MATN2: variants seen among roughly 807,000 people sequenced by gnomAD.
MATN2 encodes the protein matrilin 2, also known as matrilin-2.
Under a neutral mutation model 103.2 loss-of-function variants are expected in MATN2, and 69 were observed. The observed-to-expected ratio is 0.67, with a 90% CI of 0.55 to 0.82. The LOEUF is 0.82. Among genes scored for constraint, MATN2 ranks in the 40% least tolerant of loss-of-function variants. MATN2 has a pLI of 0.00. For missense variants in MATN2, 1,023 were observed against 1,211.5 expected (o/e 0.84, Z 2.31); for synonymous variants, 429 against 450.2 (o/e 0.95, Z 0.60).
chr8:98,027,032 A>T (rs567050447), intron 13 of MATN2, among the ~76,000 whole-genome samples: 1 of 152,252 alleles, frequency 6.6e-6, no homozygotes, highest in African/African-American at 2.4e-5. Flanking sequence ...GAATGCCAGC[A>T]CTAGGGTGAT....
intron 2 of MATN2, 52 bp from the exon 3 acceptor site, chr8:97,930,901 C>A: frequency 7.7e-7 from 1 of 1,302,546 alleles, no homozygotes; most frequent in Non-Finnish European, 1.1e-6. Flanking sequence ...CAGGTGTGAG[C>A]CACCACACCT....
chr8:97,884,824 C>T (rs1267453271), intron 1 of MATN2, among the ~76,000 whole-genome samples: 1 of 152,142 alleles, frequency 6.6e-6, no homozygotes, highest in Non-Finnish European at 1.5e-5. Flanking sequence ...TTAAATTCAG[C>T]ACTTTCTATG....
chr8:97,919,376 G>A (rs1052935855), intron 2 of MATN2, among the ~76,000 whole-genome samples: 1 of 152,104 alleles, frequency 6.6e-6, no homozygotes, highest in African/African-American at 2.4e-5. Flanking sequence ...GGGATTACAG[G>A]TGCCCGCCAC....
At chr8:97,955,567 TATTA>T (rs1326205829) in intron 4 of MATN2, among the ~76,000 whole-genome samples, 1 of 152,234 alleles carries the variant, frequency 6.6e-6, no homozygotes, top group African/African-American at 2.4e-5. Flanking sequence ...CAGTGACATT[TATTA>T]ATTGAGACAG....
intron 2 of MATN2, among the ~76,000 whole-genome samples, chr8:97,912,612 GTC>G (rs1427585688): frequency 6.6e-6 from 1 of 152,180 alleles, no homozygotes; most frequent in Non-Finnish European, 1.5e-5. Flanking sequence ...GTCTAGGGGA[GTC>G]TCTGCAGAAG....
chr8:97,934,772 C>T (rs2513840), intron 3 of MATN2, among the ~76,000 whole-genome samples: 90,479 of 152,092 alleles, frequency 0.59, 27,006 homozygotes, highest in South Asian at 0.69. Context: ...AACAGTCAAT[C>T]ATGTATTCCT....
At chr8:97,872,134 C>T (rs2129915646) in intron 1 of MATN2, among the ~76,000 whole-genome samples, 1 of 152,292 alleles carries the variant, frequency 6.6e-6, no homozygotes, top group Non-Finnish European at 1.5e-5. Flanking sequence ...TTTATATCAT[C>T]TGTCAAATGG....
At chr8:97,883,059 C>A (rs1818303705) in intron 1 of MATN2, among the ~76,000 whole-genome samples, 1 of 151,906 alleles carries the variant, frequency 6.6e-6, no homozygotes, top group South Asian at 2.1e-4. Context: ...AACCTAGCAC[C>A]CTGAGAGGCC....
chr8:98,017,455 T>C (rs1030088697), intron 11 of MATN2, among the ~76,000 whole-genome samples: 2 of 152,354 alleles, frequency 1.3e-5, no homozygotes, highest in Middle Eastern at 3.4e-3. Flanking sequence ...TTTCCATCCA[T>C]ATCAGTTATC....
intron 7 of MATN2, among the ~76,000 whole-genome samples, chr8:97,995,123 A>ATAC (rs779047051): frequency 4.6e-5 from 7 of 152,362 alleles, no homozygotes; most frequent in Non-Finnish European, 8.8e-5. Flanking sequence ...GAGTGCCTCA[A>ATAC]ATGCCTGTCA....
chr8:97,957,893 C>A (rs1261326008), intron 4 of MATN2, among the ~76,000 whole-genome samples: 1 of 152,122 alleles, frequency 6.6e-6, no homozygotes, highest in East Asian at 1.9e-4. Context: ...GTGGGGAGTA[C>A]CTTGGCATCA....
intron 1 of MATN2, among the ~76,000 whole-genome samples, chr8:97,869,549 C>A (rs1356558780): frequency 1.3e-5 from 2 of 152,198 alleles, no homozygotes; most frequent in East Asian, 1.9e-4. Context: ...CGCGCTGCAG[C>A]CGCCCCGGAG....
chr8:97,979,645 C>T (rs541621720), intron 6 of MATN2, among the ~76,000 whole-genome samples: 2 of 152,174 alleles, frequency 1.3e-5, no homozygotes, highest in African/African-American at 2.4e-5. Context: ...TATAAAGGTA[C>T]ATCAGGAGAC....
At chr8:98,031,476 A>G (rs1383313381) in intron 15 of MATN2, 2 of 152,232 alleles carry the variant, frequency 1.3e-5, no homozygotes, top group African/African-American at 4.8e-5. Flanking sequence ...ATCCTCACAA[A>G]CACCCTAGAG....
intron 6 of MATN2, among the ~76,000 whole-genome samples, chr8:97,991,322 T>C (rs1490133623): frequency 6.6e-6 from 1 of 152,176 alleles, no homozygotes; most frequent in Non-Finnish European, 1.5e-5. Flanking sequence ...TCATAGCTCA[T>C]AGCTCACTGC....
chr8:98,022,644 G>A, intron 13 of MATN2, among the ~76,000 whole-genome samples: 1 of 79,088 alleles, frequency 1.3e-5, no homozygotes. Flanking sequence ...TGGAAAGAAA[G>A]GACACTTGGA....
intron 12 of MATN2, among the ~76,000 whole-genome samples, chr8:98,020,522 T>C (rs1054621895): frequency 2.2e-4 from 34 of 152,224 alleles, no homozygotes; most frequent in Admixed American, 2.0e-3. Context: ...TATTGCTCAG[T>C]AAATTGAACA....
chr8:97,919,381 C>T (rs891636157), intron 2 of MATN2, among the ~76,000 whole-genome samples: 6 of 152,034 alleles, frequency 3.9e-5, no homozygotes, highest in East Asian at 1.9e-4. Flanking sequence ...TACAGGTGCC[C>T]GCCACCAAGC....
intron 6 of MATN2, among the ~76,000 whole-genome samples, chr8:97,981,717 A>C (rs1377327246): frequency 1.3e-5 from 2 of 152,088 alleles, no homozygotes; most frequent in Non-Finnish European, 2.9e-5. Context: ...GCCTCTCCAG[A>C]CTGCACACAC....
Sources: gnomAD v4.1 joint callset for allele counts (sites outside exome capture counted in the v4.1 genomes callset) on GRCh38, gnomAD v4.1.1 for gene constraint, MANE v1.5 for transcripts, NCBI Gene and HGNC (gene_info 2026-07-23, HGNC 2026-07-21) for gene names.